Variants in MYO10 observed in about 807,000 individuals in gnomAD.
MYO10 encodes the protein myosin X.
In MYO10, 133 loss-of-function variants were observed where a neutral mutation model predicts 257.3. That is an observed-to-expected ratio of 0.52 (90% CI 0.45 to 0.60). The LOEUF (loss-of-function observed/expected upper bound fraction) is 0.60. Among genes scored for constraint, MYO10 ranks in the 20% least tolerant of loss-of-function variants. The pLI, the probability that MYO10 is intolerant of heterozygous loss-of-function variation, is 0.00. For synonymous variants in MYO10, 1,104 were observed against 1,028.6 expected (o/e 1.07, Z -1.40); for missense variants, 2,399 against 2,635.7 (o/e 0.91, Z 1.97).
At chr5:16,808,175 C>T (rs1386688009) in intron 3 of MYO10, among the ~76,000 whole-genome samples, 1 of 152,164 alleles carries the variant, frequency 6.6e-6, no homozygotes, top group African/African-American at 2.4e-5. Context: ...CAATTAGAAA[C>T]ATTTCAGCCA....
In MYO10 at chr5:16,869,261, G is replaced by A. The variant is rs538610159; in HGVS notation, c.120+8348C>T. 7.0e-4 allele frequency among the ~76,000 whole-genome samples: 102 copies of A among 145,490 alleles called. No homozygotes were observed. The Middle Eastern group carries it at 0.011, about 15-fold the overall frequency. Reference sequence around the variant, plus strand: ...TCAGCATGTTAGCCAGGATGGTCTCGATCTCCTGACCTCATGATCCACCCA... The same window carrying A: ...TCAGCATGTTAGCCAGGATGGTCTCAATCTCCTGACCTCATGATCCACCCA... On this transcript the variant is annotated intron_variant, in intron 2 of 40. Coordinates refer to ENST00000513610, the MANE Select transcript of MYO10 (RefSeq NM_012334.3).
At chr5:16,909,941 T>C (rs575791528) in intron 1 of MYO10, among the ~76,000 whole-genome samples, 4 of 152,200 alleles carry the variant, frequency 2.6e-5, no homozygotes, top group African/African-American at 9.6e-5. Context: ...ATACGGAGAC[T>C]CCTCTTTGGC....
At chr5:16,710,348 G>A (rs1738540524) in intron 21 of MYO10, among the ~76,000 whole-genome samples, 3 of 152,130 alleles carry the variant, frequency 2.0e-5, no homozygotes, top group South Asian at 2.1e-4. Flanking sequence ...GTTCAGGCCC[G>A]ACTGCCCATA....
intron 28 of MYO10, among the ~76,000 whole-genome samples, chr5:16,689,272 T>C (rs754863093): frequency 2.0e-5 from 3 of 152,220 alleles, no homozygotes; most frequent in Non-Finnish European, 2.9e-5. Context: ...ATGAAACATT[T>C]AGAATATTAG....
intron 9 of MYO10, among the ~76,000 whole-genome samples, chr5:16,776,235 A>G (rs1201195852): frequency 2.6e-5 from 4 of 152,170 alleles, no homozygotes; most frequent in African/African-American, 9.7e-5. Context: ...TTGGGAGAAG[A>G]AAATCTTATT....
chr5:16,759,783 A>G (rs1252070422), intron 17 of MYO10, among the ~76,000 whole-genome samples: 17 of 152,202 alleles, frequency 1.1e-4, no homozygotes, highest in Non-Finnish European at 1.5e-5. Flanking sequence ...TGTTTTTTAA[A>G]CACCCATCAT....
At chr5:16,719,535 CATGTT>C (rs1281216852) in intron 19 of MYO10, among the ~76,000 whole-genome samples, 5 of 152,212 alleles carry the variant, frequency 3.3e-5, no homozygotes, top group Non-Finnish European at 5.9e-5. Flanking sequence ...CTTCTGAATA[CATGTT>C]ATAATTTATT....
chr5:16,857,254 A>G (rs984025530), intron 2 of MYO10, among the ~76,000 whole-genome samples: 1 of 152,234 alleles, frequency 6.6e-6, no homozygotes, highest in African/African-American at 2.4e-5. Context: ...AGGTGTTAGT[A>G]TTTAAAACTA....
At chr5:16,848,325 A>AT (rs781445898) in intron 2 of MYO10, among the ~76,000 whole-genome samples, 3 of 151,700 alleles carry the variant, frequency 2.0e-5, no homozygotes, top group African/African-American at 4.8e-5. Context: ...CGCCCAGCTA[A>AT]TTTTTGTTAT....
chr5:16,683,808 C>CCAGCAG, intron 30 of MYO10, 72 bp downstream of exon 30: 1 of 1,496,298 alleles, frequency 6.7e-7, no homozygotes, highest in South Asian at 1.2e-5. Context: ...GGGTCGTGAC[C>CCAGCAG]CAGCAGCACA....
intron 10 of MYO10, among the ~76,000 whole-genome samples, chr5:16,768,198 A>G (rs1030925853): frequency 1.3e-5 from 2 of 152,192 alleles, no homozygotes; most frequent in African/African-American, 4.8e-5. Flanking sequence ...TTCCATCAGA[A>G]AAGTTTTAAA....
At chr5:16,760,276 C>G (rs1244759340) in intron 17 of MYO10, among the ~76,000 whole-genome samples, 1 of 149,092 alleles carries the variant, frequency 6.7e-6, no homozygotes, top group African/African-American at 2.5e-5. Flanking sequence ...ATGGCGAAAC[C>G]CTGTCTCTAC....
At chr5:16,796,488 A>AAAGAAAAGT in intron 3 of MYO10, among the ~76,000 whole-genome samples, 1 of 151,288 alleles carries the variant, frequency 6.6e-6, no homozygotes, top group African/African-American at 2.4e-5. Context: ...GAAAAGAAAG[A>AAAGAAAAGT]AAGAAAGAAG....
At chr5:16,804,844 A>G (rs949030630) in intron 3 of MYO10, among the ~76,000 whole-genome samples, 2 of 152,128 alleles carry the variant, frequency 1.3e-5, no homozygotes, top group African/African-American at 2.4e-5. Context: ...GAGCCTGGGG[A>G]GGTCAAGGCT....
rs143291296 is a variant in MYO10 at position 16,871,631 on chromosome 5, C to A, written c.120+5978G>T. The stretch of plus-strand genomic sequence containing the variant: ...CGAAAAAAAAAAAATCTATCCCTGG[C>A]CAGTTAAGTGCAGTGTTCCTGTCCT... On this transcript the variant is annotated intron_variant, in intron 2 of 40. Transcript: ENST00000513610. Among the ~76,000 whole-genome samples, 780 of 152,156 alleles carry A rather than the reference C, an allele frequency of 5.1e-3. 10 individuals carry two copies. The highest frequency in any genetic ancestry group is 0.018 in the African/African-American group (743 of 41,512).
intron 39 of MYO10, among the ~76,000 whole-genome samples, chr5:16,669,302 C>T (rs747121518): frequency 5.7e-4 from 86 of 151,950 alleles, no homozygotes; most frequent in Admixed American, 1.4e-3. Context: ...CAACCTCCAC[C>T]TCCTGAGTTC....
intron 2 of MYO10, among the ~76,000 whole-genome samples, chr5:16,840,595 G>A (rs1450840858): frequency 1.3e-5 from 2 of 152,110 alleles, no homozygotes; most frequent in South Asian, 2.1e-4. Flanking sequence ...ACCAGGAACA[G>A]AGCCACTACA....
intron 2 of MYO10, among the ~76,000 whole-genome samples, chr5:16,846,492 T>A (rs1479403088): frequency 6.6e-6 from 1 of 152,200 alleles, no homozygotes; most frequent in African/African-American, 2.4e-5. Flanking sequence ...TTGGTCACCA[T>A]GAAAGAGCGC....
chr5:16,788,774 G>A (rs914820111), intron 4 of MYO10, among the ~76,000 whole-genome samples: 6 of 152,136 alleles, frequency 3.9e-5, no homozygotes, highest in East Asian at 1.9e-4. Context: ...AGGATGGGGC[G>A]CCATGGTGGG....
Sources: allele counts gnomAD v4.1 joint callset (sites outside exome capture counted in the v4.1 genomes callset), GRCh38; gene constraint gnomAD v4.1.1; transcripts MANE v1.5; gene names NCBI Gene and HGNC (gene_info 2026-07-23, HGNC 2026-07-21).